Variants in LHFPL6 observed in about 807,000 individuals in gnomAD.
LHFPL6 encodes LHFPL tetraspan subfamily member 6.
LHFPL6 carries 9 observed loss-of-function variants against 20.6 expected under a neutral mutation model. That is an observed-to-expected ratio of 0.44 (90% confidence interval 0.26 to 0.76). The LOEUF (loss-of-function observed/expected upper bound fraction) is 0.76, where lower values mean the gene tolerates loss of function less well. LHFPL6 is among the 30% of genes least tolerant of loss of function. The probability of loss-of-function intolerance (pLI) is 0.20; values close to 1 mark genes in which losing one functional copy is unlikely to be tolerated. For synonymous variants in LHFPL6, 105 were observed against 98.7 expected, an observed-to-expected ratio of 1.06 and a Z score of -0.38; for missense variants, 218 against 253.5, an observed-to-expected ratio of 0.86 and a Z score of 0.95.
At chr13:39,602,366 C>G (rs1483133083) in intron 1 of LHFPL6, among the ~76,000 whole-genome samples, 1 of 152,106 alleles carries the variant, frequency 6.6e-6, no homozygotes, top group Non-Finnish European at 1.5e-5. Flanking sequence ...GTTTTTTTCT[C>G]TAACCACCGC....
chr13:39,595,494 TG>T (rs1006282076), intron 2 of LHFPL6, among the ~76,000 whole-genome samples: 10 of 152,288 alleles, frequency 6.6e-5, no homozygotes, highest in African/African-American at 2.4e-4. Flanking sequence ...GGTTTTGTCA[TG>T]TTGGGCAGGC....
At chr13:39,562,451 T>TATAC (rs1566142046) in intron 2 of LHFPL6, among the ~76,000 whole-genome samples, 59 of 114,602 alleles carry the variant, frequency 5.1e-4, no homozygotes, top group African/African-American at 1.5e-3. Context: ...TATATACACA[T>TATAC]ATATACATAT....
intron 2 of LHFPL6, among the ~76,000 whole-genome samples, chr13:39,395,994 T>TAG (rs1870830508): frequency 6.6e-6 from 1 of 152,218 alleles, no homozygotes; most frequent in Non-Finnish European, 1.5e-5. Context: ...ATTTTCACAA[T>TAG]TTGTGTGCCT....
At chr13:39,429,530 G>C (rs2138403175) in intron 2 of LHFPL6, among the ~76,000 whole-genome samples, 1 of 152,108 alleles carries the variant, frequency 6.6e-6, no homozygotes, top group South Asian at 2.1e-4. Context: ...GCAACATATA[G>C]TTAGGTCTTA....
chr13:39,465,440 T>C (rs1299305060), intron 2 of LHFPL6, among the ~76,000 whole-genome samples: 3 of 152,150 alleles, frequency 2.0e-5, no homozygotes, highest in Admixed American at 1.3e-4. Context: ...GGAACTACTT[T>C]TCCAATATAT....
chr13:39,430,890 G>A (rs963465569), intron 2 of LHFPL6, among the ~76,000 whole-genome samples: 8 of 152,286 alleles, frequency 5.3e-5, no homozygotes, highest in Non-Finnish European at 7.4e-5. Flanking sequence ...AGCCAGCAGC[G>A]GCAACCTGCT....
At chr13:39,491,141 A>T (rs1381086505) in intron 2 of LHFPL6, among the ~76,000 whole-genome samples, 1 of 152,254 alleles carries the variant, frequency 6.6e-6, no homozygotes, top group Non-Finnish European at 1.5e-5. Flanking sequence ...ATTTGCAAGA[A>T]GTACAAGGCA....
intron 2 of LHFPL6, among the ~76,000 whole-genome samples, chr13:39,418,522 G>A (rs1324326235): frequency 6.6e-6 from 1 of 151,670 alleles, no homozygotes; most frequent in Non-Finnish European, 1.5e-5. Flanking sequence ...AACAATGCAA[G>A]TAGCGTCTGG....
At chr13:39,550,862 G>A (rs1871128205) in intron 2 of LHFPL6, among the ~76,000 whole-genome samples, 1 of 152,058 alleles carries the variant, frequency 6.6e-6, no homozygotes, top group Admixed American at 6.6e-5. Flanking sequence ...AGTATGTTAG[G>A]TTTTTCTACT....
intron 2 of LHFPL6, among the ~76,000 whole-genome samples, chr13:39,452,736 G>A (rs1189800952): frequency 2.0e-5 from 3 of 152,220 alleles, no homozygotes; most frequent in Non-Finnish European, 2.9e-5. Flanking sequence ...AGGAAGAGCC[G>A]CAAGAATAAT....
At chr13:39,522,327 G>A (rs565372306) in intron 2 of LHFPL6, among the ~76,000 whole-genome samples, 1 of 152,328 alleles carries the variant, frequency 6.6e-6, no homozygotes, top group African/African-American at 2.4e-5. Flanking sequence ...TACACAGCTA[G>A]TAAGTGGCAC....
intron 3 of LHFPL6, among the ~76,000 whole-genome samples, chr13:39,356,106 A>T (rs1299598673): frequency 6.6e-6 from 1 of 152,366 alleles, no homozygotes; most frequent in South Asian, 2.1e-4. Flanking sequence ...ATATGCTAAG[A>T]TTGACCACAT....
At chr13:39,407,814 C>T (rs148137900) in intron 2 of LHFPL6, among the ~76,000 whole-genome samples, 5 of 152,170 alleles carry the variant, frequency 3.3e-5, no homozygotes, top group African/African-American at 4.8e-5. Context: ...TCAAGAACCA[C>T]GTTATAAAAG....
intron 2 of LHFPL6, among the ~76,000 whole-genome samples, chr13:39,396,869 G>A (rs958749022): frequency 1.3e-5 from 2 of 152,102 alleles, no homozygotes; most frequent in African/African-American, 4.8e-5. Context: ...CAGAGGCAGA[G>A]TTTGGAGTCA....
intron 2 of LHFPL6, among the ~76,000 whole-genome samples, chr13:39,540,922 A>G (rs1280789389): frequency 6.6e-6 from 1 of 152,246 alleles, no homozygotes; most frequent in Non-Finnish European, 1.5e-5. Context: ...AGAGAAAACT[A>G]TAAAATGTAC....
At chr13:39,354,311 A>G (rs914513936) in intron 3 of LHFPL6, among the ~76,000 whole-genome samples, 3 of 152,190 alleles carry the variant, frequency 2.0e-5, no homozygotes, top group Admixed American at 6.5e-5. Context: ...ACCCAGAAGA[A>G]GCCAATTGAC....
intron 2 of LHFPL6, among the ~76,000 whole-genome samples, chr13:39,429,864 C>T (rs1304372412): frequency 6.6e-6 from 1 of 152,118 alleles, no homozygotes; most frequent in African/African-American, 2.4e-5. Context: ...TAAACTTGAC[C>T]TCTCTGCAGC....
At chr13:39,592,092 G>A (rs1218498212) in intron 2 of LHFPL6, among the ~76,000 whole-genome samples, 6 of 148,868 alleles carry the variant, frequency 4.0e-5, no homozygotes, top group Non-Finnish European at 7.4e-5. Context: ...GCAAAACTCC[G>A]TCTCAAAAAA....
chr13:39,548,291 C>T (rs907076612), intron 2 of LHFPL6, among the ~76,000 whole-genome samples: 2 of 152,052 alleles, frequency 1.3e-5, no homozygotes, highest in Non-Finnish European at 2.9e-5. Context: ...GAATCAGAGA[C>T]TGTGTCCCCT....
Sources: allele counts gnomAD v4.1 joint callset (sites outside exome capture counted in the v4.1 genomes callset), GRCh38; gene constraint gnomAD v4.1.1; transcripts MANE v1.5; gene names NCBI Gene and HGNC (gene_info 2026-07-23, HGNC 2026-07-21).